Variants in GRIA3 observed in about 807,000 individuals in gnomAD.
GRIA3 encodes the protein glutamate receptor 3.
In GRIA3, 3 loss-of-function variants were observed where a neutral mutation model predicts 63.0. The ratio of observed to expected loss-of-function variants is 0.05; its 90% CI spans 0.02 to 0.12. GRIA3 has a LOEUF of 0.12. Ranked by LOEUF, GRIA3 falls within the 10% of genes least tolerant of loss-of-function variation. GRIA3 has a pLI of 1.00. For synonymous variants in GRIA3, 274 were observed against 257.9 expected (o/e 1.06, Z -0.60); for missense variants, 347 against 700.9 (o/e 0.50, Z 5.70).
At chrX:123,403,542 T>G (rs749532146) in intron 9 of GRIA3, 23 bp downstream of exon 9, 1 of 892,530 alleles carries the variant, frequency 1.1e-6, no homozygotes, top group African/African-American at 1.9e-5. Flanking sequence ...AGAAGGTAGG[T>G]GGGCTTTCTG....
chrX:123,356,031 T>A (rs184333610), intron 5 of GRIA3, among the ~76,000 whole-genome samples: 1 of 111,893 alleles, frequency 8.9e-6, no homozygotes, highest in Admixed American at 9.5e-5. Flanking sequence ...ATTTTGGGAA[T>A]AAATGAATCT....
intron 11 of GRIA3, among the ~76,000 whole-genome samples, chrX:123,427,572 T>G (rs1003682070): frequency 1.5e-4 from 17 of 111,534 alleles, no homozygotes; most frequent in Non-Finnish European, 2.1e-4. Flanking sequence ...AAAATCCTGC[T>G]AGGAGTGCAC....
intron 4 of GRIA3, among the ~76,000 whole-genome samples, chrX:123,344,075 C>T (rs1466574682): frequency 8.9e-6 from 1 of 112,048 alleles, no homozygotes; most frequent in Non-Finnish European, 1.9e-5. Flanking sequence ...GAAATATCAC[C>T]TCATCTTGGA....
chrX:123,265,375 T>A (rs1286824022), intron 3 of GRIA3, among the ~76,000 whole-genome samples: 1 of 112,028 alleles, frequency 8.9e-6, no homozygotes, highest in African/African-American at 3.2e-5. Context: ...AAATGATTCA[T>A]TAACACGTAT....
At chrX:123,369,168 G>C (rs1292712562) in intron 5 of GRIA3, among the ~76,000 whole-genome samples, 1 of 111,741 alleles carries the variant, frequency 8.9e-6, no homozygotes, top group African/African-American at 3.3e-5. Context: ...TCTTAACAGA[G>C]GTTTTATGTG....
intron 4 of GRIA3, among the ~76,000 whole-genome samples, chrX:123,338,614 G>C (rs1219167412): frequency 8.9e-6 from 1 of 112,066 alleles, no homozygotes; most frequent in African/African-American, 3.2e-5. Flanking sequence ...GCAGTGGTGT[G>C]ATCTTGGCTC....
intron 2 of GRIA3, among the ~76,000 whole-genome samples, chrX:123,247,246 T>C (rs2044364547): frequency 8.9e-6 from 1 of 112,563 alleles, no homozygotes; most frequent in Admixed American, 9.4e-5. Flanking sequence ...CTGTAAATGA[T>C]ATGCAATATT....
At chrX:123,241,628 A>G (rs2044330348) in intron 2 of GRIA3, among the ~76,000 whole-genome samples, 1 of 110,783 alleles carries the variant, frequency 9.0e-6, no homozygotes, top group Non-Finnish European at 1.9e-5. Flanking sequence ...TGTGGTGCTC[A>G]ATCCTGGACG....
chrX:123,401,695 C>T (rs771641105), intron 7 of GRIA3, among the ~76,000 whole-genome samples: 13 of 111,777 alleles, frequency 1.2e-4, no homozygotes, highest in Non-Finnish European at 2.3e-4. Context: ...AGCCCCTTTC[C>T]CTTTAAAAAA....
chrX:123,421,501 G>T, intron 11 of GRIA3, among the ~76,000 whole-genome samples: 1 of 112,420 alleles, frequency 8.9e-6, no homozygotes, highest in East Asian at 2.8e-4. Context: ...CTTTATTTCT[G>T]TTTAATGGCC....
chrX:123,371,245 T>C (rs7887620), intron 5 of GRIA3, among the ~76,000 whole-genome samples: 3,873 of 110,387 alleles, frequency 0.035, 145 homozygotes, highest in African/African-American at 0.097. Flanking sequence ...TAGTACTCCA[T>C]TGTATATATT....
intron 2 of GRIA3, among the ~76,000 whole-genome samples, chrX:123,187,077 G>A (rs946624117): frequency 3.6e-5 from 4 of 112,360 alleles, no homozygotes; most frequent in African/African-American, 9.7e-5. Context: ...TATGGCTGAT[G>A]TAGTTTGGAA....
At chrX:123,420,494 T>C (rs781049942) in intron 11 of GRIA3, among the ~76,000 whole-genome samples, 2 of 111,252 alleles carry the variant, frequency 1.8e-5, no homozygotes, top group African/African-American at 6.5e-5. Context: ...TTTTTTGAAA[T>C]GTTCACTTCA....
chrX:123,471,990 CATATATATATATATATATATATAT>C (rs760824587), intron 13 of GRIA3, among the ~76,000 whole-genome samples: 4 of 13,415 alleles, frequency 3.0e-4, no homozygotes, highest in African/African-American at 6.0e-4. Flanking sequence ...CAATGGCATT[CATATATATATATATATATATATAT>C]ATATATATGA....
intron 3 of GRIA3, among the ~76,000 whole-genome samples, chrX:123,318,812 C>T (rs1298102856): frequency 8.9e-6 from 1 of 111,782 alleles, no homozygotes; most frequent in Non-Finnish European, 1.9e-5. Context: ...GGTATCTTTT[C>T]AGCAACGCCC....
intron 15 of GRIA3, among the ~76,000 whole-genome samples, chrX:123,484,397 A>G (rs1371404939): frequency 1.8e-5 from 2 of 112,235 alleles, no homozygotes; most frequent in Non-Finnish European, 1.9e-5. Flanking sequence ...GTAAATGTCA[A>G]TATGCTGGGA....
intron 11 of GRIA3, among the ~76,000 whole-genome samples, chrX:123,423,759 T>C (rs1284494162): frequency 8.9e-6 from 1 of 112,358 alleles, no homozygotes; most frequent in Non-Finnish European, 1.9e-5. Context: ...GCTCTTCATC[T>C]TGTAAAGCTA....
intron 3 of GRIA3, among the ~76,000 whole-genome samples, chrX:123,300,138 G>A (rs1400683231): frequency 1.0e-4 from 11 of 110,210 alleles, no homozygotes; most frequent in African/African-American, 2.6e-4. Flanking sequence ...CTAGTATTTT[G>A]TTGAGGATTT....
At chrX:123,335,537 GTA>G (rs2044969207) in intron 4 of GRIA3, among the ~76,000 whole-genome samples, 2 of 111,667 alleles carry the variant, frequency 1.8e-5, no homozygotes, top group Non-Finnish European at 3.8e-5. Context: ...CAATACAGAT[GTA>G]TTAAATCAAG....
Sources: gnomAD v4.1 joint callset for allele counts (sites outside exome capture counted in the v4.1 genomes callset) on GRCh38, gnomAD v4.1.1 for gene constraint, MANE v1.5 for transcripts, NCBI Gene and HGNC (gene_info 2026-07-23, HGNC 2026-07-21) for gene names.